The following IL6R variants were observed in gnomAD, a reference collection of about 807,000 sequenced individuals.
IL6R encodes the protein interleukin-6 receptor subunit alpha.
IL6R carries 38 observed loss-of-function variants against 48.3 expected under a neutral mutation model. The ratio of observed to expected loss-of-function variants is 0.79; its 90% confidence interval spans 0.61 to 1.03. The LOEUF (loss-of-function observed/expected upper bound fraction) is 1.03. Ranked by LOEUF, IL6R falls within the 50% of genes least tolerant of loss-of-function variation. The probability of loss-of-function intolerance (pLI) is 0.00; values close to 1 mark genes in which losing one functional copy is unlikely to be tolerated. For synonymous variants in IL6R, 264 were observed against 256.2 expected (o/e 1.03, Z -0.29); for missense variants, 534 against 618.3 (o/e 0.86, Z 1.45).
At chr1:154,425,465 T>A (rs1308442891) in intron 1 of IL6R, among the ~76,000 whole-genome samples, 2 of 152,080 alleles carry the variant, frequency 1.3e-5, no homozygotes, top group Non-Finnish European at 2.9e-5. Context: ...ACGAACTACG[T>A]GTCAGTGAAT....
At chr1:154,456,368 G>C (rs1372490532) in intron 9 of IL6R, among the ~76,000 whole-genome samples, 1 of 151,928 alleles carries the variant, frequency 6.6e-6, no homozygotes, top group Non-Finnish European at 1.5e-5. Context: ...ACTACGCCCG[G>C]CTAATTTTTT....
chr1:154,430,076 A>G (rs1036096329), intron 2 of IL6R, among the ~76,000 whole-genome samples: 1 of 152,122 alleles, frequency 6.6e-6, no homozygotes. Context: ...AAGCAGGCTT[A>G]TCATCATTTC....
chr1:154,413,093 C>G (rs1688128266), intron 1 of IL6R, among the ~76,000 whole-genome samples: 1 of 151,990 alleles, frequency 6.6e-6, no homozygotes, highest in Non-Finnish European at 1.5e-5. Flanking sequence ...CCTCTGCCTC[C>G]CGGGTTCAAG....
chr1:154,454,606 C>T lies in IL6R; in HGVS notation c.1160+25C>T, dbSNP rs201201232. ...GGTGAGATGGGTCCCAGGGGATGGC[C>T]CTGTGGTGTTCTCATATTTCTTATC... is the stretch of plus-strand genomic sequence containing the variant. On this transcript the variant is annotated intron_variant, in intron 9 of 9. Transcript: ENST00000368485. The T allele has an allele frequency of 3.9e-5, 57 of 1,477,356 alleles. No individual in the cohort carries two copies. In the Middle Eastern group the frequency reaches 1.0e-3, roughly 27 times the overall value. The allele number at this position is 1,477,356 out of a possible 1,614,324, so 91.5% of individuals were successfully genotyped here. A position where few individuals can be genotyped will look rare whatever the true frequency, so the allele number is the denominator to read the frequency against.
At chr1:154,439,788 T>C (rs1262013850) in intron 6 of IL6R, among the ~76,000 whole-genome samples, 1 of 152,258 alleles carries the variant, frequency 6.6e-6, no homozygotes, top group Non-Finnish European at 1.5e-5. Flanking sequence ...ACCACCAGTC[T>C]ACTTGCTTTT....
In IL6R at chr1:154,434,996, C is replaced by T. The variant is rs1303384216; in HGVS notation, c.647C>T (p.Pro216Leu). 1 of 1,613,866 alleles carries T rather than the reference C, an allele frequency of 6.2e-7. No individual in the cohort carries two copies. Among genetic ancestry groups the T allele is most frequent in the African/African-American group, 1.3e-5 (1 of 74,912 alleles). Residue 216 changes from proline (P) to leucine (L), a missense_variant, in exon 5 of 10, where the codon CCT (proline) becomes CTT (leucine). By Grantham distance (98) the Pro-to-Leu change is moderately conservative (BLOSUM62 -3). Coordinates refer to ENST00000368485, the MANE Select transcript of IL6R (RefSeq NM_000565.4). ...ATGCTCACTTTTCCCACAGTGCAGC[C>T]TGATCCGCCTGCCAACATCACAGTC... The part of the protein sequence containing the change: ...QTFQGCGILQ[P>L]DPPANITVTA...
chr1:154,423,328 A>G (rs1172933656), intron 1 of IL6R, among the ~76,000 whole-genome samples: 1 of 143,304 alleles, frequency 7.0e-6, no homozygotes, highest in Non-Finnish European at 1.5e-5. Context: ...AGAAAATTCA[A>G]AAACTACAGA....
chr1:154,414,878 C>T (rs1688243184), intron 1 of IL6R: 2 of 794,416 alleles, frequency 2.5e-6, no homozygotes, highest in African/African-American at 1.7e-5. Context: ...GGAAGCTGTT[C>T]CTTGTAATCA....
chr1:154,441,850 A>T (rs998437322), intron 6 of IL6R, among the ~76,000 whole-genome samples: 1 of 152,166 alleles, frequency 6.6e-6, no homozygotes, highest in Non-Finnish European at 1.5e-5. Flanking sequence ...AGGTTGTATG[A>T]CACTGGTAAA....
At chr1:154,426,195 T>C (rs184275388) in intron 1 of IL6R, among the ~76,000 whole-genome samples, 2,529 of 83,422 alleles carry the variant, frequency 0.03, 37 homozygotes, top group Middle Eastern at 0.081. Context: ...CACACACACA[T>C]ATATACACAC....
intron 1 of IL6R, among the ~76,000 whole-genome samples, chr1:154,422,233 C>T (rs532058504): frequency 2.6e-5 from 4 of 151,960 alleles, no homozygotes; most frequent in East Asian, 3.9e-4. Context: ...TGAGCCACGG[C>T]GCCTGGTGAC....
At position 154,435,135 on chromosome 1, in the gene IL6R, A is replaced by G; in HGVS notation, c.786A>G (p.Ser262=). 2 of 1,614,174 alleles carry G rather than the reference A, an allele frequency of 1.2e-6. No homozygotes were observed. The highest frequency in any genetic ancestry group is 1.7e-6 in the Non-Finnish European group (2 of 1,179,998). ...RFELRYRAER[S]KTFTTWMVKD... is the part of the protein sequence containing the mutation. ...AGCTCAGATATCGGGCTGAACGGTC[A>G]AAGACATTCACAACATGGATGGTAA... Residue 262 remains serine (S), a synonymous_variant, in exon 5 of 10, where the codon TCA becomes TCG. Coordinates refer to ENST00000368485, the MANE Select transcript of IL6R (RefSeq NM_000565.4).
intron 1 of IL6R, among the ~76,000 whole-genome samples, chr1:154,412,151 G>A (rs908922466): frequency 1.3e-5 from 2 of 151,784 alleles, no homozygotes; most frequent in African/African-American, 4.8e-5. Context: ...GTTTCACTGT[G>A]TCAGCCAGGA....
chr1:154,429,467 C>G (rs539803011), intron 2 of IL6R, 23 bp downstream of exon 2: 1 of 1,593,220 alleles, frequency 6.3e-7, no homozygotes, highest in Non-Finnish European at 8.6e-7. Context: ...TCAGAGGTCC[C>G]GGAGATAGTT....
In IL6R at chr1:154,405,478, G is replaced by C; in HGVS notation, c.-152G>C. The stretch of plus-strand genomic sequence containing the variant: ...GGCCGAGGGACTCGCAGTGTGTGTA[G>C]AGAGCCGGGCTCCTGCGGATGGGGG... On this transcript the variant is annotated 5_prime_UTR_variant, in exon 1 of 10. It removes the in-frame stop codon of an upstream open reading frame in the 5' UTR. Transcript: ENST00000368485. This position sits in a 1 kb window ranked among gnomAD's most constrained non-coding sequence, Gnocchi z 5.2. The C allele has an allele frequency of 4.5e-6, 3 of 662,240 alleles. No individual in the cohort carries two copies. The allele number at this position is 662,240 out of a possible 1,614,324, so 41.0% of individuals were successfully genotyped here. A position where few individuals can be genotyped will look rare whatever the true frequency, so the allele number is the denominator to read the frequency against.
At chr1:154,441,326 T>C (rs545422491) in intron 6 of IL6R, among the ~76,000 whole-genome samples, 15 of 152,314 alleles carry the variant, frequency 9.8e-5, no homozygotes, top group African/African-American at 3.6e-4. Context: ...GTCTCCACTT[T>C]CCAGCCTCAG....
At chr1:154,446,174 A>G (rs1408325035) in intron 6 of IL6R, among the ~76,000 whole-genome samples, 1 of 152,166 alleles carries the variant, frequency 6.6e-6, no homozygotes, top group African/African-American at 2.4e-5. Context: ...TGGGCTGGGA[A>G]GAACGCAAAG....
In IL6R at chr1:154,467,169, T is replaced by A. The variant is rs926988124; in HGVS notation, c.*1789T>A. On this transcript the variant is annotated 3_prime_UTR_variant, in exon 10 of 10. Coordinates refer to ENST00000368485, the MANE Select transcript of IL6R (RefSeq NM_000565.4). ...AAAAAAAATCCCTTACCTCGGTGCCTTCCTCTTTTTATTTAGTTCCTTGAG... is the reference window on the plus strand; with the variant it reads ...AAAAAAAATCCCTTACCTCGGTGCCATCCTCTTTTTATTTAGTTCCTTGAG... 3.9e-5 allele frequency: 6 copies of A among 152,224 alleles called. No homozygotes were observed. Among genetic ancestry groups the A allele is most frequent in the African/African-American group, 1.4e-4 (6 of 41,452 alleles). The allele number at this position is 152,224 out of a possible 1,614,324, so 9.4% of individuals were successfully genotyped here.
chr1:154,441,992 A>G (rs779479936), intron 6 of IL6R, among the ~76,000 whole-genome samples: 1 of 152,178 alleles, frequency 6.6e-6, no homozygotes, highest in Non-Finnish European at 1.5e-5. Flanking sequence ...AGCATACTGC[A>G]TTTGTAAGGG....
Sources: allele counts gnomAD v4.1 joint callset (sites outside exome capture counted in the v4.1 genomes callset), GRCh38; gene constraint gnomAD v4.1.1; non-coding constraint Gnocchi (gnomAD v3.1); transcripts MANE v1.5; gene names NCBI Gene and HGNC (gene_info 2026-07-23, HGNC 2026-07-21).